PRR15L: variants seen among roughly 807,000 people sequenced by gnomAD.
PRR15L encodes proline rich 15 like, also known as proline-rich protein 15-like protein.
Under a neutral mutation model 3.7 loss-of-function variants are expected in PRR15L, and 1 was observed. That is an observed-to-expected ratio of 0.27 (90% CI 0.09 to 1.27). The LOEUF (loss-of-function observed/expected upper bound fraction) is 1.27. PRR15L is among the 50% of genes most tolerant of loss of function. The probability of loss-of-function intolerance (pLI) is 0.47; values close to 1 mark genes in which losing one functional copy is unlikely to be tolerated. For missense variants in PRR15L, 127 were observed against 128.7 expected, an observed-to-expected ratio of 0.99 and a Z score of 0.06; for synonymous variants, 57 against 51.9, an observed-to-expected ratio of 1.10 and a Z score of -0.42.
At chr17:47,953,894 G>C in intron 1 of PRR15L, among the ~76,000 whole-genome samples, 1 of 152,166 alleles carries the variant, frequency 6.6e-6, no homozygotes, top group East Asian at 1.9e-4. Context: ...GATAATTCCT[G>C]CCAGGCCCCT....
At chr17:47,957,528 T>G (rs1341057431) in intron 1 of PRR15L, 129 bp downstream of exon 1, 1 of 152,316 alleles carries the variant, frequency 6.6e-6, no homozygotes, top group South Asian at 2.1e-4. Context: ...GGATGAGTCT[T>G]GAGTGGAGAC....
intron 1 of PRR15L, among the ~76,000 whole-genome samples, chr17:47,956,319 A>C (rs35296902): frequency 0.019 from 2,922 of 152,268 alleles, 100 homozygotes; most frequent in African/African-American, 0.065. Context: ...AAAAACACAA[A>C]AAATTAGGCG....
chr17:47,953,279 G>GC lies in PRR15L; in HGVS notation c.-29-17_-29-16insG, dbSNP rs753868984. On this transcript the variant is annotated splice_polypyrimidine_tract_variant and intron_variant, in intron 1 of 1. Transcript: ENST00000300557. ...ATGGGGCTTTCTGCTGGAGCAGGGT[G>GC]GGGGAGACAAAGGGGTCAGTGGGAA... 1.3e-5 allele frequency: 19 copies of GC among 1,429,352 alleles called. No individual in the cohort carries two copies. Among genetic ancestry groups the GC allele is most frequent in the South Asian group, 2.7e-5 (2 of 72,928 alleles). 88.5% of individuals were successfully genotyped at this position (1,429,352 alleles called of 1,614,324 possible). A position where few individuals can be genotyped will look rare whatever the true frequency, so the allele number is the denominator to read the frequency against.
intron 1 of PRR15L, among the ~76,000 whole-genome samples, chr17:47,956,190 G>A (rs2036127114): frequency 6.6e-6 from 1 of 152,202 alleles, no homozygotes; most frequent in Non-Finnish European, 1.5e-5. Context: ...GAGGCCAGGT[G>A]CAGTGGCTCA....
At chr17:47,954,411 G>C (rs2144182019) in intron 1 of PRR15L, among the ~76,000 whole-genome samples, 1 of 152,354 alleles carries the variant, frequency 6.6e-6, no homozygotes, top group South Asian at 2.1e-4. Flanking sequence ...ACAAGGACAG[G>C]AGTTGGAAGG....
At chr17:47,957,272 T>C (rs982126236) in intron 1 of PRR15L, among the ~76,000 whole-genome samples, 6 of 152,136 alleles carry the variant, frequency 3.9e-5, no homozygotes, top group African/African-American at 1.2e-4. Flanking sequence ...TCAGCTAATA[T>C]GTTGTAAGAC....
chr17:47,952,901 T>C lies in PRR15L; in HGVS notation c.*22A>G. On this transcript the variant is annotated 3_prime_UTR_variant, in exon 2 of 2. Transcript: ENST00000300557. Reference sequence around the variant, plus strand: ...TGGCTGATGGCAGGGAGCCAAGAGGTGCTAGCACCCTCCTCAGCCCTTCAC... The same window carrying C: ...TGGCTGATGGCAGGGAGCCAAGAGGCGCTAGCACCCTCCTCAGCCCTTCAC... 1.3e-6 allele frequency: 2 copies of C among 1,597,398 alleles called. No homozygotes were observed. Among genetic ancestry groups the C allele is most frequent in the Non-Finnish European group, 1.7e-6 (2 of 1,171,784 alleles).
rs1329357987 is a variant in PRR15L at position 47,953,145 on chromosome 17, A to C, written c.90T>G (p.Tyr30Ter). ...PKVLYEIPDT[Y>*]AQTEGDAEPP... ...GTTCTGCATCTCCCTCTGTTTGGGCATAGGTGTCAGGGATCTCATACAGCA... is the reference window on the plus strand; with the variant it reads ...GTTCTGCATCTCCCTCTGTTTGGGCCTAGGTGTCAGGGATCTCATACAGCA... Residue 30 changes from tyrosine (Y) to a stop codon, truncating the protein, a stop_gained, in exon 2 of 2, where the codon TAT (tyrosine) becomes TAG (stop). Transcript: ENST00000300557. LOFTEE classifies it high-confidence loss of function. The C allele has an allele frequency of 6.2e-7, 1 of 1,613,842 alleles. No individual in the cohort carries two copies. The highest frequency in any genetic ancestry group is 1.3e-5 in the African/African-American group (1 of 74,854).
intron 1 of PRR15L, among the ~76,000 whole-genome samples, chr17:47,956,891 G>T (rs1342401941): frequency 6.6e-6 from 1 of 152,242 alleles, no homozygotes; most frequent in Admixed American, 6.5e-5. Flanking sequence ...AGTGACACAT[G>T]GTGGGCCCTG....
At position 47,953,160 on chromosome 17, in the gene PRR15L, C is replaced by T; in HGVS notation, c.75G>A (p.Glu25=). The T allele has an allele frequency of 6.2e-7, 1 of 1,613,400 alleles. No homozygotes were observed. The highest frequency in any genetic ancestry group is 8.5e-7 in the Non-Finnish European group (1 of 1,179,644). Residue 25 remains glutamate, a synonymous_variant, in exon 2 of 2, where the codon GAG becomes GAA. Coordinates refer to ENST00000300557, the MANE Select transcript of PRR15L (RefSeq NM_024320.4). ...CTGTTTGGGCATAGGTGTCAGGGAT[C>T]TCATACAGCACTTTGGGAGTGGATT... ...KKKSTPKVLY[E]IPDTYAQTEG...
At position 47,952,664 on chromosome 17, in the gene PRR15L, T is replaced by A; in HGVS notation, c.*259A>T. 2.6e-6 allele frequency: 1 copy of A among 384,354 alleles called. No homozygotes were observed. The highest frequency in any genetic ancestry group is 4.7e-6 in the Non-Finnish European group (1 of 212,172). 23.8% of individuals were successfully genotyped at this position (384,354 alleles called of 1,614,324 possible). On this transcript the variant is annotated 3_prime_UTR_variant, in exon 2 of 2. Transcript: ENST00000300557. ...CCATTGCTTCAAGGAGGGCTGTTCC[T>A]CCTGGGTGAGACTTTTCACTCTTGA...
chr17:47,952,931 A>C lies in PRR15L; in HGVS notation c.304T>G (p.Ser102Ala), dbSNP rs1427834925. Residue 102 changes from serine (S) to alanine (A), a missense_variant, in exon 2 of 2, where the codon TCA (serine) becomes GCA (alanine). Transcript: ENST00000300557. ...GCACCCTCCTCAGCCCTTCACTTTG[A>C]TGACCGTCCTTCCTCGTGATCATCA... The part of the protein sequence containing the change: ...LFDDHEEGRS[S>A]K 1 of 1,612,590 alleles carries C rather than the reference A, an allele frequency of 6.2e-7. No individual in the cohort carries two copies. Among genetic ancestry groups the C allele is most frequent in the Admixed American group, 1.7e-5 (1 of 59,930 alleles).
At chr17:47,954,627 C>T (rs1391816838) in intron 1 of PRR15L, among the ~76,000 whole-genome samples, 1 of 152,222 alleles carries the variant, frequency 6.6e-6, no homozygotes. Flanking sequence ...GCTAGCGGAA[C>T]TTCTCGGAGA....
chr17:47,957,514 A>C (rs1316889807), intron 1 of PRR15L, 143 bp downstream of exon 1: 1 of 152,274 alleles, frequency 6.6e-6, no homozygotes, highest in Non-Finnish European at 1.5e-5. Flanking sequence ...CCAAGAGGCC[A>C]GTGGGATGAG....
chr17:47,954,491 G>T (rs2036106012), intron 1 of PRR15L, among the ~76,000 whole-genome samples: 1 of 152,240 alleles, frequency 6.6e-6, no homozygotes, highest in South Asian at 2.1e-4. Context: ...ATCACAGGTT[G>T]TACCTTGCAG....
At chr17:47,956,095 C>G (rs2036125942) in intron 1 of PRR15L, among the ~76,000 whole-genome samples, 1 of 152,236 alleles carries the variant, frequency 6.6e-6, no homozygotes, top group Admixed American at 6.5e-5. Flanking sequence ...CCCTTGTGCC[C>G]TGCCCTGGGG....
In PRR15L at chr17:47,952,843, A is replaced by AG; in HGVS notation, c.*79dup. On this transcript the variant is annotated 3_prime_UTR_variant, in exon 2 of 2. Coordinates refer to ENST00000300557, the MANE Select transcript of PRR15L (RefSeq NM_024320.4). ...GCCCCACAGCTTCAGCTATGGCCAA[A>AG]GAGGCCAGCGTGGCAAGGTCCTGTC... The AG allele has an allele frequency of 7.1e-7, 1 of 1,410,918 alleles. No homozygotes were observed. The highest frequency in any genetic ancestry group is 9.6e-7 in the Non-Finnish European group (1 of 1,046,574). 87.4% of individuals were successfully genotyped at this position (1,410,918 alleles called of 1,614,324 possible).
rs776298592 is a variant in PRR15L, at chr17:47,953,205, C to A, written c.30G>T (p.Leu10=). The part of the protein sequence containing the change: MTTEIGWWK[L]TFLRKKKSTP... ...TGGATTTCTTTTTCCGGAGGAAAGT[C>A]AGCTTCCACCAACCAATTTCAGTCG... The change falls in exon 2 of 2, where the codon CTG becomes CTT. Residue 10 remains leucine, a synonymous_variant. Transcript: ENST00000300557. 5 of 1,591,262 alleles carry A rather than the reference C, an allele frequency of 3.1e-6. No individual in the cohort carries two copies. In the Admixed American group the frequency reaches 5.2e-5, roughly 17 times the overall value.
At position 47,952,768 on chromosome 17, in the gene PRR15L, A is replaced by G. The variant is rs775471983; in HGVS notation, c.*155T>C. ...CCAGGCCTTACAAAAGTGGCGGCACATAAATACAAACCTAAAAAACAGCCA... is the reference window on the plus strand; with the variant it reads ...CCAGGCCTTACAAAAGTGGCGGCACGTAAATACAAACCTAAAAAACAGCCA... On this transcript the variant is annotated 3_prime_UTR_variant, in exon 2 of 2. Coordinates refer to ENST00000300557, the MANE Select transcript of PRR15L (RefSeq NM_024320.4). 3 of 739,990 alleles carry G rather than the reference A, an allele frequency of 4.1e-6. No individual in the cohort carries two copies. Among genetic ancestry groups the G allele is most frequent in the South Asian group, 4.1e-5 (2 of 48,862 alleles). The allele number at this position is 739,990 out of a possible 1,614,324, so 45.8% of individuals were successfully genotyped here. A position where few individuals can be genotyped will look rare whatever the true frequency, so the allele number is the denominator to read the frequency against.
Sources: allele counts gnomAD v4.1 joint callset (sites outside exome capture counted in the v4.1 genomes callset), GRCh38; gene constraint gnomAD v4.1.1; transcripts MANE v1.5; gene names NCBI Gene and HGNC (gene_info 2026-07-23, HGNC 2026-07-21).